Variants in PARD3B observed in about 807,000 individuals in gnomAD.
The protein encoded by PARD3B is par-3 family cell polarity regulator beta.
A neutral mutation model predicts 130.2 loss-of-function variants in PARD3B; 103 were observed. The ratio of observed to expected loss-of-function variants is 0.79; its 90% CI spans 0.67 to 0.93. PARD3B has a LOEUF of 0.93. Ranked by LOEUF, PARD3B falls within the 40% of genes least tolerant of loss-of-function variation. PARD3B has a pLI of 0.00. For synonymous variants in PARD3B, 583 were observed against 553.2 expected (o/e 1.05, Z -0.76); for missense variants, 1,609 against 1,499.2 (o/e 1.07, Z -1.21).
chr2:205,310,755 A>C (rs1276212043), intron 18 of PARD3B, among the ~76,000 whole-genome samples: 2 of 107,864 alleles, frequency 1.9e-5, no homozygotes, highest in Non-Finnish European at 1.7e-5. Context: ...ACAGAGTCTC[A>C]CTCTGTCATC....
chr2:205,117,687 A>G (rs1273520253), intron 6 of PARD3B, among the ~76,000 whole-genome samples: 1 of 152,230 alleles, frequency 6.6e-6, no homozygotes, highest in African/African-American at 2.4e-5. Context: ...AAAGTCGAAA[A>G]GCAAGAGTAT....
At chr2:204,838,246 G>A (rs879852279) in intron 2 of PARD3B, among the ~76,000 whole-genome samples, 4 of 149,664 alleles carry the variant, frequency 2.7e-5, no homozygotes, top group African/African-American at 2.4e-5. Flanking sequence ...GCAGTGGCAC[G>A]ATCTCGGCTC....
intron 1 of PARD3B, among the ~76,000 whole-genome samples, chr2:204,654,735 T>C (rs1026441351): frequency 1.3e-5 from 2 of 152,190 alleles, no homozygotes; most frequent in African/African-American, 4.8e-5. Flanking sequence ...TGATAAGCTC[T>C]TTTCCTTTGG....
chr2:205,072,196 T>G (rs1435338466), intron 4 of PARD3B, among the ~76,000 whole-genome samples: 3 of 152,040 alleles, frequency 2.0e-5, no homozygotes, highest in Non-Finnish European at 4.4e-5. Flanking sequence ...GCTTACATTC[T>G]TATAAACTTG....
intron 2 of PARD3B, among the ~76,000 whole-genome samples, chr2:204,755,156 A>C (rs2040613218): frequency 6.6e-6 from 1 of 152,106 alleles, no homozygotes; most frequent in Non-Finnish European, 1.5e-5. Context: ...CACTAAATTT[A>C]AATTGACATA....
intron 18 of PARD3B, among the ~76,000 whole-genome samples, chr2:205,358,596 A>T (rs1431265848): frequency 6.6e-6 from 1 of 152,210 alleles, no homozygotes; most frequent in Non-Finnish European, 1.5e-5. Context: ...CTCTAAACAT[A>T]CGCTAACAAT....
intron 10 of PARD3B, among the ~76,000 whole-genome samples, chr2:205,136,843 C>G (rs2032528930): frequency 6.6e-6 from 1 of 152,178 alleles, no homozygotes; most frequent in Non-Finnish European, 1.5e-5. Context: ...ACCTCTCTTT[C>G]CCTTTTTTCT....
chr2:205,563,651 T>TAA lies in PARD3B; in HGVS notation c.3260+10258_3260+10259dup, dbSNP rs5837980. On this transcript the variant is annotated intron_variant, in intron 22 of 22. Transcript: ENST00000406610. The surrounding 1 kb of genome is among the most constrained non-coding windows in gnomAD (Gnocchi z 4.2). ...AGAAAATGTCAAAACCTACGGGTTGTAAAAAAAAAAAGTAATAAAATACAA... is the reference window on the plus strand; with the variant it reads ...AGAAAATGTCAAAACCTACGGGTTGTAAAAAAAAAAAAAGTAATAAAATACAA... Among the ~76,000 whole-genome samples, 796 of 149,282 alleles carry TAA rather than the reference T, an allele frequency of 5.3e-3. 2 individuals are homozygous for TAA. Among genetic ancestry groups the TAA allele is most frequent in the Middle Eastern group, 0.017 (5 of 288 alleles).
chr2:205,027,364 G>GA (rs1002780215), intron 3 of PARD3B, among the ~76,000 whole-genome samples: 11 of 151,724 alleles, frequency 7.3e-5, no homozygotes, highest in Admixed American at 5.9e-4. Context: ...TGTATTCTTT[G>GA]AAAAAAATGT....
At chr2:205,077,128 A>G (rs1431687861) in intron 4 of PARD3B, among the ~76,000 whole-genome samples, 1 of 152,148 alleles carries the variant, frequency 6.6e-6, no homozygotes. Context: ...AAACAAATAT[A>G]TATATCTCTC....
intron 2 of PARD3B, among the ~76,000 whole-genome samples, chr2:204,935,948 A>C (rs1446533551): frequency 6.6e-6 from 1 of 152,218 alleles, no homozygotes; most frequent in Non-Finnish European, 1.5e-5. Flanking sequence ...ATTTCCAATT[A>C]TTTAATATTA....
At chr2:205,018,878 CT>C (rs34034720) in intron 3 of PARD3B, among the ~76,000 whole-genome samples, 55,055 of 151,716 alleles carry the variant, frequency 0.36, 10,256 homozygotes, top group Admixed American at 0.46. Context: ...GCAACATCTA[CT>C]TCTAGCTCTA....
At chr2:204,708,465 C>T (rs2038285337) in intron 2 of PARD3B, among the ~76,000 whole-genome samples, 1 of 152,134 alleles carries the variant, frequency 6.6e-6, no homozygotes. Flanking sequence ...ATTTCAGAAA[C>T]GATCTCCTAG....
chr2:205,329,248 C>T (rs976788226), intron 18 of PARD3B, among the ~76,000 whole-genome samples: 17 of 152,084 alleles, frequency 1.1e-4, no homozygotes, highest in African/African-American at 4.1e-4. Flanking sequence ...TTACAGAGAG[C>T]AAAGACTACA....
chr2:204,604,073 G>A (rs147220713), intron 1 of PARD3B, among the ~76,000 whole-genome samples: 8 of 152,294 alleles, frequency 5.3e-5, no homozygotes, highest in East Asian at 3.9e-4. Flanking sequence ...AATATGTGAT[G>A]AGGCTGAGAA....
At chr2:205,580,231 A>G (rs573357532) in intron 22 of PARD3B, among the ~76,000 whole-genome samples, 1 of 152,280 alleles carries the variant, frequency 6.6e-6, no homozygotes, top group East Asian at 1.9e-4. Flanking sequence ...TTTATAACAC[A>G]TTCAGGTTTG....
intron 6 of PARD3B, among the ~76,000 whole-genome samples, chr2:205,117,281 C>G (rs1178685390): frequency 3.3e-5 from 5 of 152,172 alleles, no homozygotes; most frequent in Non-Finnish European, 4.4e-5. Flanking sequence ...ATTTGCTAAC[C>G]TACTGGAACT....
At chr2:204,803,496 G>A (rs1399087825) in intron 2 of PARD3B, among the ~76,000 whole-genome samples, 1 of 152,100 alleles carries the variant, frequency 6.6e-6, no homozygotes, top group Admixed American at 6.6e-5. Context: ...TAGACAGTAT[G>A]TAATATATGT....
chr2:204,844,074 A>G (rs1178546729), intron 2 of PARD3B, among the ~76,000 whole-genome samples: 1 of 152,112 alleles, frequency 6.6e-6, no homozygotes, highest in Non-Finnish European at 1.5e-5. Flanking sequence ...GTGAGAAACT[A>G]CTCGTTTGTA....
Sources: allele counts gnomAD v4.1 joint callset (sites outside exome capture counted in the v4.1 genomes callset), GRCh38; gene constraint gnomAD v4.1.1; non-coding constraint Gnocchi (gnomAD v3.1); transcripts MANE v1.5; gene names NCBI Gene and HGNC (gene_info 2026-07-23, HGNC 2026-07-21).